The following FOXP4 variants were observed in gnomAD, a reference collection of about 807,000 sequenced individuals.
FOXP4 encodes the protein forkhead box protein P4.
FOXP4 carries 25 observed loss-of-function variants against 82.6 expected under a neutral mutation model. That is an observed-to-expected ratio of 0.30 (90% CI 0.22 to 0.42). FOXP4 has a LOEUF of 0.42. Among genes scored for constraint, FOXP4 ranks in the 10% least tolerant of loss-of-function variants. The pLI is 1.00. For missense variants in FOXP4, 785 were observed against 900.9 expected, an observed-to-expected ratio of 0.87 and a Z score of 1.65; for synonymous variants, 415 against 388.2, an observed-to-expected ratio of 1.07 and a Z score of -0.81.
At chr6:41,588,185 C>A (rs1422541281) in intron 8 of FOXP4, among the ~76,000 whole-genome samples, 1 of 152,220 alleles carries the variant, frequency 6.6e-6, no homozygotes, top group African/African-American at 2.4e-5. Flanking sequence ...CCCACCCTCC[C>A]CTGCTCCCCT....
intron 1 of FOXP4, chr6:41,548,707 G>T (rs1034333718): frequency 6.6e-6 from 1 of 152,294 alleles, no homozygotes; most frequent in Non-Finnish European, 1.5e-5. Flanking sequence ...CGAACCAGCC[G>T]GTAGGTGCAG....
intron 1 of FOXP4, among the ~76,000 whole-genome samples, chr6:41,564,969 A>G (rs539439240): frequency 1.2e-3 from 176 of 152,316 alleles, no homozygotes; most frequent in African/African-American, 3.9e-3. Flanking sequence ...GAGCAAACAC[A>G]AAGTCCATTT....
At chr6:41,587,741 C>A in intron 7 of FOXP4, 52 bp from the exon 8 acceptor site, 1 of 1,262,000 alleles carries the variant, frequency 7.9e-7, no homozygotes, top group Non-Finnish European at 1.1e-6. Flanking sequence ...GACTACAGGG[C>A]CGCTGGGGTC....
intron 9 of FOXP4, among the ~76,000 whole-genome samples, chr6:41,589,511 AGGACGCACTG>A (rs1025467364): frequency 5.9e-5 from 9 of 152,240 alleles, no homozygotes; most frequent in African/African-American, 2.2e-4. Context: ...AGCTCCAGCC[AGGACGCACTG>A]GGAGGGCTCA....
intron 2 of FOXP4, among the ~76,000 whole-genome samples, chr6:41,573,741 G>T (rs1581740450): frequency 6.6e-6 from 1 of 152,176 alleles, no homozygotes; most frequent in Admixed American, 6.5e-5. Flanking sequence ...GTATGGGGTT[G>T]TTCCAGTTTT....
At chr6:41,579,431 C>A (rs976764333) in intron 3 of FOXP4, among the ~76,000 whole-genome samples, 6 of 152,156 alleles carry the variant, frequency 3.9e-5, no homozygotes, top group African/African-American at 1.4e-4. Context: ...CACTCTGAAT[C>A]CTGCCCGCCC....
rs200027635 is a variant in FOXP4, at chr6:41,590,117, G to C, written c.1304G>C (p.Gly435Ala). 1 of 1,612,460 alleles carries C rather than the reference G, an allele frequency of 6.2e-7. No homozygotes were observed. The highest frequency in any genetic ancestry group is 8.5e-7 in the Non-Finnish European group (1 of 1,178,938). Reference protein sequence around the residue: ...PGLGSASLHGGGPARRRSSDK... With the variant: ...PGLGSASLHGAGPARRRSSDK... Reference sequence around the variant, plus strand: ...CTGGGCTCTGCCTCCCTGCATGGTGGGGGCCCAGCCCGTCGGAGAAGCAGT... The same window carrying C: ...CTGGGCTCTGCCTCCCTGCATGGTGCGGGCCCAGCCCGTCGGAGAAGCAGT... The change falls in exon 11 of 17, where the codon GGG (glycine) becomes GCG (alanine). Residue 435 changes from glycine (G) to alanine (A), a missense_variant. This residue lies in a region of FOXP4 where 570 missense variants were observed against 634.0 expected (regional missense o/e 0.90). Coordinates refer to ENST00000307972, the MANE Select transcript of FOXP4 (RefSeq NM_001012426.2).
intron 7 of FOXP4, 97 bp downstream of exon 7, chr6:41,587,609 C>A: frequency 9.0e-7 from 1 of 1,114,508 alleles, no homozygotes; most frequent in Non-Finnish European, 1.3e-6. Context: ...GGGGGTGGAG[C>A]CCACGGACCG....
rs1271465820 is a variant in FOXP4 at position 41,597,258 on chromosome 6, C to G, written c.1725+16C>G. 2.5e-5 allele frequency: 40 copies of G among 1,613,344 alleles called. No individual in the cohort carries two copies. The highest frequency in any genetic ancestry group is 3.3e-5 in the Non-Finnish European group (39 of 1,179,666). ...CAGCTACCAGGTGACCTGCCCAGAG[C>G]CCACCCACTCACCTCTACCTCCCGC... On this transcript the variant is annotated intron_variant, in intron 15 of 16. Coordinates refer to ENST00000307972, the MANE Select transcript of FOXP4 (RefSeq NM_001012426.2).
intron 2 of FOXP4, among the ~76,000 whole-genome samples, chr6:41,577,275 C>G (rs943938228): frequency 8.5e-5 from 13 of 152,218 alleles, no homozygotes; most frequent in Non-Finnish European, 1.8e-4. Flanking sequence ...TAATCTAATT[C>G]CTCCAGCAGC....
Position 41,565,133 on chromosome 6 carries a change from A to G in FOXP4, c.-16-612A>G, listed in dbSNP as rs149125781. ...TTTGGGAGGCTGAGGCAGGCAGATCACCTGAGGTCAGGAGTTCGAGACCAG... is the reference window on the plus strand; with the variant it reads ...TTTGGGAGGCTGAGGCAGGCAGATCGCCTGAGGTCAGGAGTTCGAGACCAG... On this transcript the variant is annotated intron_variant, in intron 1 of 16. Coordinates refer to ENST00000307972, the MANE Select transcript of FOXP4 (RefSeq NM_001012426.2). Among the ~76,000 whole-genome samples, 373 of 152,204 alleles carry G rather than the reference A, an allele frequency of 2.5e-3. 3 individuals carry two copies. The highest frequency in any genetic ancestry group is 0.022 in the East Asian group (116 of 5,158).
At position 41,558,047 on chromosome 6, in the gene FOXP4, C is replaced by CA. The variant is rs1764373367; in HGVS notation, c.-16-7697dup. On this transcript the variant is annotated intron_variant, in intron 1 of 16. Transcript: ENST00000307972. This position sits in a 1 kb window ranked among gnomAD's most constrained non-coding sequence, Gnocchi z 4.0. ...TTGGGGTAGGCAGCTTCTAGGATGT[C>CA]ACAGTCATTGAGGGAGACTCCCAGG... Among the ~76,000 whole-genome samples, 2 of 152,078 alleles carry CA rather than the reference C, an allele frequency of 1.3e-5. No homozygotes were observed. The highest frequency in any genetic ancestry group is 2.9e-5 in the Non-Finnish European group (2 of 68,024).
chr6:41,565,943 G>C lies in FOXP4; in HGVS notation c.183G>C (p.Leu61=), dbSNP rs1417837384. The C allele has an allele frequency of 3.7e-6, 6 of 1,613,436 alleles. No individual in the cohort carries two copies. The highest frequency in any genetic ancestry group is 2.7e-5 in the African/African-American group (2 of 74,930). ...ATGGTGAGATGAGTCCCGCAGAGCTGCTGCACTTCCAGCAGCAACAGGTAG... is the reference window on the plus strand; with the variant it reads ...ATGGTGAGATGAGTCCCGCAGAGCTCCTGCACTTCCAGCAGCAACAGGTAG... ...DSNGEMSPAE[L]LHFQQQQALQ... The change falls in exon 2 of 17, where the codon CTG becomes CTC. Residue 61 remains leucine (L), a synonymous_variant. Transcript: ENST00000307972.
At chr6:41,576,280 G>C (rs1765480289) in intron 2 of FOXP4, among the ~76,000 whole-genome samples, 1 of 152,148 alleles carries the variant, frequency 6.6e-6, no homozygotes, top group African/African-American at 2.4e-5. Context: ...CCGTCAATAG[G>C]CCAGTGCATA....
intron 1 of FOXP4, among the ~76,000 whole-genome samples, chr6:41,565,345 G>T (rs1764812863): frequency 1.3e-5 from 2 of 152,166 alleles, no homozygotes; most frequent in Non-Finnish European, 2.9e-5. Context: ...GGGCAATAGA[G>T]CGAGACTGTG....
intron 1 of FOXP4, chr6:41,547,552 G>C (rs751808551): frequency 6.6e-6 from 1 of 152,316 alleles, no homozygotes; most frequent in Non-Finnish European, 1.5e-5. Context: ...TCCATCGCTC[G>C]GTCAGCTCGG....
chr6:41,592,538 TTTTTATAAATGA>T (rs1323878344), intron 13 of FOXP4, among the ~76,000 whole-genome samples: 1 of 152,186 alleles, frequency 6.6e-6, no homozygotes, highest in East Asian at 1.9e-4. Context: ...AGATACCAGG[TTTTTATAAATGA>T]TAGAGTCCTA....
chr6:41,598,853 C>T lies in FOXP4; in HGVS notation c.1960C>T (p.Leu654=). 3 of 1,589,940 alleles carry T rather than the reference C, an allele frequency of 1.9e-6. No homozygotes were observed. Among genetic ancestry groups the T allele is most frequent in the Non-Finnish European group, 2.6e-6 (3 of 1,169,844 alleles). ...AEEDRQPGPP[L]GAPNPSASGP... The stretch of plus-strand genomic sequence containing the variant: ...GGAAGACAGGCAGCCCGGGCCTCCC[C>T]TGGGCGCCCCTAACCCCAGCGCCTC... Residue 654 remains leucine, a synonymous_variant, in exon 17 of 17, where the codon CTG becomes TTG. Transcript: ENST00000307972.
chr6:41,551,447 C>T (rs570132171), intron 1 of FOXP4, among the ~76,000 whole-genome samples: 9 of 152,286 alleles, frequency 5.9e-5, no homozygotes, highest in African/African-American at 1.9e-4. Flanking sequence ...GCCATACAGC[C>T]GCCTGTTCCC....
Sources: gnomAD v4.1 joint callset for allele counts (sites outside exome capture counted in the v4.1 genomes callset) on GRCh38, gnomAD v4.1.1 for gene constraint, gnomAD v4.1.1 regional missense constraint, Gnocchi (gnomAD v3.1) non-coding constraint, MANE v1.5 for transcripts, NCBI Gene and HGNC (gene_info 2026-07-23, HGNC 2026-07-21) for gene names.